Variants in SACS observed in about 807,000 individuals in gnomAD.
The protein encoded by SACS is sacsin.
SACS carries 197 observed loss-of-function variants against 348.0 expected under a neutral mutation model. The ratio of observed to expected loss-of-function variants is 0.57; its 90% CI spans 0.50 to 0.64. The LOEUF is 0.64. Among genes scored for constraint, SACS ranks in the 30% least tolerant of loss-of-function variants. The pLI, the probability that SACS is intolerant of heterozygous loss-of-function variation, is 0.00. For synonymous variants in SACS, 1,985 were observed against 1,910.6 expected, an observed-to-expected ratio of 1.04 and a Z score of -1.02; for missense variants, 4,999 against 5,360.8, an observed-to-expected ratio of 0.93 and a Z score of 2.11.
intron 4 of SACS, among the ~76,000 whole-genome samples, chr13:23,368,981 G>A (rs182391501): frequency 2.0e-5 from 3 of 152,272 alleles, no homozygotes; most frequent in Admixed American, 1.3e-4. Flanking sequence ...TTCCAGGCGT[G>A]AGCCACCATG....
At chr13:23,368,527 AT>A in intron 4 of SACS, 40 bp from the exon 5 acceptor site, 1 of 1,443,550 alleles carries the variant, frequency 6.9e-7, no homozygotes, top group East Asian at 2.3e-5. Flanking sequence ...TAGAAAAAAA[AT>A]CCCATGAATT....
In SACS at chr13:23,336,006, T is replaced by C. The variant is rs1303022233; in HGVS notation, c.7870A>G (p.Ile2624Val). The change falls in exon 10 of 10, where the codon ATA becomes GTA. Residue 2624 changes from isoleucine to valine, a missense_variant. Physicochemically the swap from Ile to Val is conservative, Grantham distance 29. Transcript: ENST00000382292. ...ATATGATACACAGAATTGAATCCTATTCCATACTGTCCAGTTTTATAAGGA... is the reference window on the plus strand; with the variant it reads ...ATATGATACACAGAATTGAATCCTACTCCATACTGTCCAGTTTTATAAGGA... The part of the protein sequence containing the change: ...GNPYKTGQYG[I>V]GFNSVYHITD... 2 of 1,613,074 alleles carry C rather than the reference T, an allele frequency of 1.2e-6. No homozygotes were observed. The highest frequency in any genetic ancestry group is 1.3e-5 in the African/African-American group (1 of 74,898).
At chr13:23,367,951 A>G (rs1871161571) in intron 5 of SACS, among the ~76,000 whole-genome samples, 1 of 152,256 alleles carries the variant, frequency 6.6e-6, no homozygotes, top group Non-Finnish European at 1.5e-5. Flanking sequence ...AAATAAGTAA[A>G]TAAAATAATT....
At chr13:23,384,879 A>C (rs575398239) in intron 2 of SACS, among the ~76,000 whole-genome samples, 15 of 152,218 alleles carry the variant, frequency 9.9e-5, no homozygotes, top group Non-Finnish European at 1.6e-4. Flanking sequence ...TAAGTCACAT[A>C]ATATTTTGTT....
At chr13:23,363,529 G>A (rs2182496) in intron 6 of SACS, among the ~76,000 whole-genome samples, 133,546 of 152,278 alleles carry the variant, frequency 0.88, 58,630 homozygotes, top group East Asian at 1. Flanking sequence ...CCCAGCCCAC[G>A]TTTATTTTAA....
intron 2 of SACS, among the ~76,000 whole-genome samples, chr13:23,406,087 T>C (rs1284206266): frequency 6.6e-6 from 1 of 152,192 alleles, no homozygotes; most frequent in Admixed American, 6.5e-5. Flanking sequence ...CACACGTATG[T>C]TTATTGCAGC....
chr13:23,388,307 G>A (rs1317196185), intron 2 of SACS, among the ~76,000 whole-genome samples: 2 of 147,402 alleles, frequency 1.4e-5, no homozygotes, highest in Non-Finnish European at 3.0e-5. Context: ...GCACTCCAGC[G>A]TGGGTGACAG....
chr13:23,397,049 A>T (rs9552946), intron 2 of SACS, among the ~76,000 whole-genome samples: 42,027 of 152,084 alleles, frequency 0.28, 6,384 homozygotes, highest in East Asian at 0.45. Context: ...GCATAATCCT[A>T]TAATAATTGT....
intron 1 of SACS, among the ~76,000 whole-genome samples, chr13:23,429,082 T>G (rs1874311701): frequency 6.6e-6 from 1 of 152,098 alleles, no homozygotes; most frequent in South Asian, 2.1e-4. Flanking sequence ...TAATATCACA[T>G]ATGAGTGAAT....
At chr13:23,399,483 G>A (rs1301300277) in intron 2 of SACS, among the ~76,000 whole-genome samples, 1 of 152,064 alleles carries the variant, frequency 6.6e-6, no homozygotes, top group Admixed American at 6.6e-5. Context: ...GCCCAAACAT[G>A]TCTTGTACTG....
chr13:23,332,770 T>A lies in SACS; in HGVS notation c.11106A>T (p.Thr3702=). The A allele has an allele frequency of 6.2e-7, 1 of 1,614,020 alleles. No individual in the cohort carries two copies. Among genetic ancestry groups the A allele is most frequent in the Non-Finnish European group, 8.5e-7 (1 of 1,179,962 alleles). The change falls in exon 10 of 10, where the codon ACA becomes ACT. Residue 3702 remains threonine, a synonymous_variant. Transcript: ENST00000382292. Reference sequence around the variant, plus strand: ...CTTTCTCTGGAAGAATAGGGCAGGATGTCCATAACAGCTGGAGTACATCAC... The same window carrying A: ...CTTTCTCTGGAAGAATAGGGCAGGAAGTCCATAACAGCTGGAGTACATCAC... ...KQCDVLQLLW[T]SCPILPEKAT...
At chr13:23,401,907 G>A (rs9550967) in intron 2 of SACS, among the ~76,000 whole-genome samples, 19,448 of 152,204 alleles carry the variant, frequency 0.13, 1,391 homozygotes, top group South Asian at 0.26. Flanking sequence ...GAGGCCAGGC[G>A]CAGTGGCTCA....
chr13:23,349,257 A>C (rs1360132062), intron 9 of SACS, among the ~76,000 whole-genome samples: 1 of 152,226 alleles, frequency 6.6e-6, no homozygotes, highest in Non-Finnish European at 1.5e-5. Context: ...CAGAAAATTT[A>C]GTCAACAGAT....
intron 2 of SACS, among the ~76,000 whole-genome samples, chr13:23,382,191 T>C (rs538194948): frequency 9.8e-5 from 15 of 152,358 alleles, no homozygotes; most frequent in Admixed American, 2.0e-4. Flanking sequence ...TCTCGCTTTG[T>C]TGCCCAGGCT....
intron 1 of SACS, among the ~76,000 whole-genome samples, chr13:23,422,428 T>A (rs1162490344): frequency 6.6e-6 from 1 of 152,190 alleles, no homozygotes; most frequent in Non-Finnish European, 1.5e-5. Context: ...AATATACAAA[T>A]ATTCATCCTT....
At position 23,410,835 on chromosome 13, in the gene SACS, C is replaced by A. The variant is rs533578972; in HGVS notation, c.20+385G>T. On this transcript the variant is annotated intron_variant, in intron 2 of 9. Coordinates refer to ENST00000382292, the MANE Select transcript of SACS (RefSeq NM_014363.6). The stretch of plus-strand genomic sequence containing the variant: ...CTCTTTCTCTCTCCCCTCTCCCTCT[C>A]TCCTCAGGTTATTCAATACAATTCT... Among the ~76,000 whole-genome samples, 3 of 152,268 alleles carry A rather than the reference C, an allele frequency of 2.0e-5. No individual in the cohort carries two copies. The South Asian group carries it at 6.2e-4, about 32-fold the overall frequency.
At chr13:23,362,554 T>C (rs926228413) in intron 6 of SACS, among the ~76,000 whole-genome samples, 1 of 151,392 alleles carries the variant, frequency 6.6e-6, no homozygotes, top group Non-Finnish European at 1.5e-5. Flanking sequence ...CAGAGATCAC[T>C]GCCACCTGCT....
chr13:23,420,703 C>G (rs1305768569), intron 1 of SACS, among the ~76,000 whole-genome samples: 1 of 151,868 alleles, frequency 6.6e-6, no homozygotes, highest in Non-Finnish European at 1.5e-5. Context: ...TGAGTGTTTC[C>G]CGGTGCCTGA....
At chr13:23,370,369 A>T (rs1395268022) in intron 4 of SACS, among the ~76,000 whole-genome samples, 1 of 152,256 alleles carries the variant, frequency 6.6e-6, no homozygotes, top group Non-Finnish European at 1.5e-5. Flanking sequence ...TGAAACCATC[A>T]AACTATCATT....
Sources: gnomAD v4.1 joint callset for allele counts (sites outside exome capture counted in the v4.1 genomes callset) on GRCh38, gnomAD v4.1.1 for gene constraint, MANE v1.5 for transcripts, NCBI Gene and HGNC (gene_info 2026-07-23, HGNC 2026-07-21) for gene names.